EIF4E: variants seen among roughly 807,000 people sequenced by gnomAD.
The protein encoded by EIF4E is eukaryotic translation initiation factor 4E.
For synonymous variants in EIF4E, 71 were observed against 88.5 expected (o/e 0.80, Z 1.11); for missense variants, 113 against 265.6 (o/e 0.43, Z 3.99).
intron 1 of EIF4E, among the ~76,000 whole-genome samples, chr4:98,917,310 A>G (rs1725430923): frequency 6.6e-6 from 1 of 152,084 alleles, no homozygotes; most frequent in African/African-American, 2.4e-5. Flanking sequence ...ACAGAGCAGC[A>G]TATTCCCAAA....
Position 98,880,976 on chromosome 4 carries a change from A to G in EIF4E, c.*52T>C, listed in dbSNP as rs1579143507. 1 of 1,549,924 alleles carries G rather than the reference A, an allele frequency of 6.5e-7. No individual in the cohort carries two copies. The highest frequency in any genetic ancestry group is 2.3e-5 in the East Asian group (1 of 43,862). On this transcript the variant is annotated 3_prime_UTR_variant, in exon 7 of 7. Coordinates refer to ENST00000450253, the MANE Select transcript of EIF4E (RefSeq NM_001968.5). ...TGAAGAGGCTTTGGTTCAGCTCCCAAATCTCGATTGCTTGACGCAGTCTCC... is the reference window on the plus strand; with the variant it reads ...TGAAGAGGCTTTGGTTCAGCTCCCAGATCTCGATTGCTTGACGCAGTCTCC...
At chr4:98,890,309 T>TA (rs767211933) in intron 3 of EIF4E, among the ~76,000 whole-genome samples, 4 of 152,252 alleles carry the variant, frequency 2.6e-5, no homozygotes, top group Middle Eastern at 3.4e-3. Context: ...TATATGATCC[T>TA]AAAAAAAGAT....
intron 1 of EIF4E, among the ~76,000 whole-genome samples, chr4:98,907,657 C>G (rs560371282): frequency 2.0e-5 from 3 of 152,186 alleles, no homozygotes; most frequent in African/African-American, 7.2e-5. Context: ...GGTAGCTCAA[C>G]AAGACAGCCT....
chr4:98,892,951 A>C (rs924414312), intron 2 of EIF4E, among the ~76,000 whole-genome samples: 1 of 152,126 alleles, frequency 6.6e-6, no homozygotes, highest in Non-Finnish European at 1.5e-5. Context: ...GCTTATATAT[A>C]CCTAACATAT....
chr4:98,880,012 C>A lies in EIF4E; in HGVS notation c.*1016G>T, dbSNP rs1414455392. 6.6e-6 allele frequency: 1 copy of A among 152,492 alleles called. No homozygotes were observed. The highest frequency in any genetic ancestry group is 2.4e-5 in the African/African-American group (1 of 41,430). The allele number at this position is 152,492 out of a possible 1,614,324, so 9.4% of individuals were successfully genotyped here. Reference sequence around the variant, plus strand: ...AGAGACTGCCTTGCAATAAGAAGTACAAATTCCTTCTATAAAGATGGAGAA... The same window carrying A: ...AGAGACTGCCTTGCAATAAGAAGTAAAAATTCCTTCTATAAAGATGGAGAA... On this transcript the variant is annotated 3_prime_UTR_variant, in exon 7 of 7. Coordinates refer to ENST00000450253, the MANE Select transcript of EIF4E (RefSeq NM_001968.5).
rs545340831 is a variant in EIF4E at position 98,919,917 on chromosome 4, T to C, written c.18+9178A>G. 7.2e-4 allele frequency among the ~76,000 whole-genome samples: 109 copies of C among 152,316 alleles called. 1 individual carries two copies. The highest frequency in any genetic ancestry group is 2.5e-3 in the African/African-American group (103 of 41,568). ...TTAGGTAGCCATTACCTACATGTGGTTAATTATTAATATTAAATAAAGTTT... is the reference window on the plus strand; with the variant it reads ...TTAGGTAGCCATTACCTACATGTGGCTAATTATTAATATTAAATAAAGTTT... On this transcript the variant is annotated intron_variant, in intron 1 of 6. Transcript: ENST00000450253.
chr4:98,915,602 G>A (rs951323875), intron 1 of EIF4E, among the ~76,000 whole-genome samples: 1 of 150,342 alleles, frequency 6.7e-6, no homozygotes, highest in Non-Finnish European at 1.5e-5. Flanking sequence ...GTGCAATGGC[G>A]TGATCTTGGC....
intron 1 of EIF4E, among the ~76,000 whole-genome samples, chr4:98,916,232 A>T (rs976599438): frequency 1.4e-5 from 2 of 143,060 alleles, no homozygotes; most frequent in Admixed American, 7.3e-5. Flanking sequence ...ATAAGTTAAG[A>T]TTTTGCATGT....
At chr4:98,881,396 A>G (rs935434248) in intron 6 of EIF4E, among the ~76,000 whole-genome samples, 3 of 152,008 alleles carry the variant, frequency 2.0e-5, no homozygotes, top group Non-Finnish European at 1.5e-5. Context: ...GAGCATTACT[A>G]TATTATTATA....
chr4:98,911,202 C>T (rs1409471179), intron 1 of EIF4E, among the ~76,000 whole-genome samples: 1 of 151,814 alleles, frequency 6.6e-6, no homozygotes, highest in Non-Finnish European at 1.5e-5. Flanking sequence ...GCGCCTGCCA[C>T]CACGCCCGGC....
chr4:98,881,702 A>C (rs975799472), intron 6 of EIF4E, among the ~76,000 whole-genome samples: 2 of 152,154 alleles, frequency 1.3e-5, no homozygotes, highest in African/African-American at 4.8e-5. Flanking sequence ...AAAACTAAAC[A>C]CTTTGAGGGA....
At chr4:98,891,123 G>C (rs1041893193) in intron 3 of EIF4E, 114 bp downstream of exon 3, 49 of 1,137,294 alleles carry the variant, frequency 4.3e-5, no homozygotes, top group Non-Finnish European at 5.5e-5. Context: ...TAAAAAAATA[G>C]ATGAACATTC....
At chr4:98,886,768 G>T in intron 5 of EIF4E, 1 of 372,516 alleles carries the variant, frequency 2.7e-6, no homozygotes, top group Non-Finnish European at 5.2e-6. Flanking sequence ...GCTGTAAGAG[G>T]GTTGCAAAAA....
chr4:98,898,573 GA>G lies in EIF4E; in HGVS notation c.125+3302del, dbSNP rs756555846. 5.5e-4 allele frequency among the ~76,000 whole-genome samples: 72 copies of G among 131,348 alleles called. 1 individual carries two copies. The highest frequency in any genetic ancestry group is 4.3e-3 in the South Asian group (18 of 4,138). The allele number at this position is 131,348 out of a possible 152,430, so 86.2% of individuals were successfully genotyped here. On this transcript the variant is annotated intron_variant, in intron 2 of 6. Transcript: ENST00000450253. The stretch of plus-strand genomic sequence containing the variant: ...AGCCTGGGCGACAGGGCGAGACTCC[GA>G]AAAAAAAAAAAACAGATGGCAAAAA...
intron 1 of EIF4E, among the ~76,000 whole-genome samples, chr4:98,912,568 A>G (rs545427304): frequency 4.5e-4 from 68 of 151,372 alleles, no homozygotes; most frequent in African/African-American, 1.5e-3. Context: ...GCAAGACTCC[A>G]TCTCAAAAAA....
rs1239560557 is a variant in EIF4E, at chr4:98,880,513, ATAAAT to A, written c.*510_*514del. The A allele has an allele frequency of 2.1e-5, 2 of 94,898 alleles. No individual in the cohort carries two copies. Among genetic ancestry groups the A allele is most frequent in the Admixed American group, 1.4e-4 (1 of 7,282 alleles). The allele number at this position is 94,898 out of a possible 1,614,324, so 5.9% of individuals were successfully genotyped here. Reference sequence around the variant, plus strand: ...CTAATATTATCAAGTAGGGAAACAAATAAATTAAAATCTAGCAGCCATCAGCAAGA... The same window carrying A: ...CTAATATTATCAAGTAGGGAAACAAATAAAATCTAGCAGCCATCAGCAAGA... On this transcript the variant is annotated 3_prime_UTR_variant, in exon 7 of 7. Transcript: ENST00000450253.
intron 1 of EIF4E, among the ~76,000 whole-genome samples, chr4:98,907,995 T>C (rs1472647106): frequency 1.3e-5 from 2 of 152,216 alleles, no homozygotes; most frequent in African/African-American, 2.4e-5. Flanking sequence ...TCCAGTCCTT[T>C]AAATTTTAAG....
chr4:98,921,626 TAAC>T (rs1725648373), intron 1 of EIF4E, among the ~76,000 whole-genome samples: 1 of 152,208 alleles, frequency 6.6e-6, no homozygotes. Context: ...CATTTTGTAG[TAAC>T]AAGCTTAAAA....
At chr4:98,883,185 T>A (rs748128365) in intron 6 of EIF4E, among the ~76,000 whole-genome samples, 2 of 152,104 alleles carry the variant, frequency 1.3e-5, no homozygotes, top group Non-Finnish European at 2.9e-5. Flanking sequence ...GGCAAGAGAA[T>A]CACTTGAACC....
Sources: gnomAD v4.1 joint callset for allele counts (sites outside exome capture counted in the v4.1 genomes callset) on GRCh38, gnomAD v4.1.1 for gene constraint, MANE v1.5 for transcripts, NCBI Gene and HGNC (gene_info 2026-07-23, HGNC 2026-07-21) for gene names.